The following PKHD1 variants were observed in gnomAD, a reference collection of about 807,000 sequenced individuals.
PKHD1 encodes fibrocystin.
Under a neutral mutation model 412.0 loss-of-function variants are expected in PKHD1, and 291 were observed. The observed-to-expected ratio is 0.71, with a 90% CI of 0.64 to 0.78. PKHD1 has a LOEUF of 0.78. Among genes scored for constraint, PKHD1 ranks in the 30% least tolerant of loss-of-function variants. PKHD1 has a pLI of 0.00. For synonymous variants in PKHD1, 1,777 were observed against 1,821.5 expected (o/e 0.98, Z 0.62); for missense variants, 4,825 against 4,950.7 (o/e 0.97, Z 0.76).
chr6:51,960,057 G>C, intron 35 of PKHD1, 31 bp from the exon 36 acceptor site: 1 of 1,611,078 alleles, frequency 6.2e-7, no homozygotes, highest in Non-Finnish European at 8.5e-7. Flanking sequence ...TTGGTGGGTT[G>C]GTTGGTTGGT....
At chr6:51,935,558 G>A (rs946477235) in intron 36 of PKHD1, among the ~76,000 whole-genome samples, 2 of 152,144 alleles carry the variant, frequency 1.3e-5, no homozygotes, top group Non-Finnish European at 2.9e-5. Context: ...AGACACACCA[G>A]AGGTCCTCTT....
intron 61 of PKHD1, among the ~76,000 whole-genome samples, chr6:51,658,146 C>A (rs1772197384): frequency 6.6e-6 from 1 of 152,014 alleles, no homozygotes; most frequent in East Asian, 1.9e-4. Context: ...TGGTAGTTGA[C>A]AAAAATATCC....
chr6:51,902,347 G>A (rs1722912807), intron 43 of PKHD1, among the ~76,000 whole-genome samples: 1 of 152,084 alleles, frequency 6.6e-6, no homozygotes, highest in South Asian at 2.1e-4. Flanking sequence ...TTGGCCTGTA[G>A]TGACCAACAA....
intron 43 of PKHD1, among the ~76,000 whole-genome samples, chr6:51,899,848 T>C (rs964409090): frequency 5.9e-5 from 9 of 152,136 alleles, no homozygotes; most frequent in Admixed American, 5.9e-4. Context: ...TGTACAAAAA[T>C]CACAAGCATT....
At chr6:51,959,081 T>G (rs772044803) in intron 36 of PKHD1, among the ~76,000 whole-genome samples, 12 of 152,166 alleles carry the variant, frequency 7.9e-5, no homozygotes, top group Non-Finnish European at 1.8e-4. Flanking sequence ...TGTAGCTATA[T>G]TCTTATCTTA....
At chr6:52,032,258 C>T (rs1046912905) in intron 29 of PKHD1, among the ~76,000 whole-genome samples, 3 of 152,046 alleles carry the variant, frequency 2.0e-5, no homozygotes, top group Non-Finnish European at 4.4e-5. Context: ...TACAATAAAC[C>T]CTTAGATATG....
chr6:51,673,634 G>A (rs1212001616), intron 60 of PKHD1, among the ~76,000 whole-genome samples: 2 of 152,212 alleles, frequency 1.3e-5, no homozygotes, highest in Non-Finnish European at 2.9e-5. Flanking sequence ...CCTTCAGGGA[G>A]TGAAGAGCCA....
chr6:51,851,819 G>A (rs867561947), intron 49 of PKHD1, among the ~76,000 whole-genome samples: 5 of 147,472 alleles, frequency 3.4e-5, no homozygotes, highest in South Asian at 2.1e-4. Context: ...TCTAGCTAGC[G>A]GTCTATCTAT....
At chr6:51,942,701 G>A (rs1313305766) in intron 36 of PKHD1, among the ~76,000 whole-genome samples, 2 of 151,308 alleles carry the variant, frequency 1.3e-5, no homozygotes, top group Non-Finnish European at 3.0e-5. Context: ...TTTATTGATG[G>A]CAGTTCCACC....
chr6:51,634,165 C>T (rs1194449313), intron 64 of PKHD1, among the ~76,000 whole-genome samples: 1 of 152,066 alleles, frequency 6.6e-6, no homozygotes, highest in Non-Finnish European at 1.5e-5. Context: ...ATCCACATAA[C>T]TCAGGCAAAA....
chr6:51,780,166 T>C (rs1429540691), intron 53 of PKHD1, among the ~76,000 whole-genome samples: 1 of 152,120 alleles, frequency 6.6e-6, no homozygotes, highest in African/African-American at 2.4e-5. Context: ...GGCAGGCAGA[T>C]CACAAGGTCA....
At chr6:51,677,156 G>A (rs952007495) in intron 60 of PKHD1, among the ~76,000 whole-genome samples, 2 of 152,126 alleles carry the variant, frequency 1.3e-5, no homozygotes, top group African/African-American at 2.4e-5. Context: ...CAAGTAATAT[G>A]AGAAACTTAA....
chr6:51,934,323 CT>C lies in PKHD1; in HGVS notation c.5909-2del, dbSNP rs1334913120. The C allele has an allele frequency of 6.2e-7, 1 of 1,607,104 alleles. No homozygotes were observed. Among genetic ancestry groups the C allele is most frequent in the African/African-American group, 1.3e-5 (1 of 74,868 alleles). On this transcript the variant is annotated splice_acceptor_variant, in intron 36 of 66. Coordinates refer to ENST00000371117, the MANE Select transcript of PKHD1 (RefSeq NM_138694.4). LOFTEE classifies it high-confidence loss of function. ...GGGGCCATGAAAATCAGCTTGCCCC[CT>C]AATGGACAAAGGGAAAATTGTCAGT...
chr6:51,845,739 A>C (rs79860319), intron 50 of PKHD1, among the ~76,000 whole-genome samples: 6,634 of 152,312 alleles, frequency 0.044, 405 homozygotes, highest in African/African-American at 0.13. Context: ...ATATGTGTAT[A>C]TATAATAGTA....
chr6:51,733,051 A>C (rs1783413345), intron 60 of PKHD1, among the ~76,000 whole-genome samples: 1 of 152,220 alleles, frequency 6.6e-6, no homozygotes, highest in Admixed American at 6.5e-5. Context: ...GAGGTACTTA[A>C]GGGTAGTCAA....
In PKHD1 at chr6:51,694,123, T is replaced by C. The variant is rs79495373; in HGVS notation, c.10157-34154A>G. 2.7e-3 allele frequency among the ~76,000 whole-genome samples: 416 copies of C among 152,272 alleles called. 2 individuals carry two copies. The highest frequency in any genetic ancestry group is 9.6e-3 in the African/African-American group (400 of 41,566). Reference sequence around the variant, plus strand: ...CACCTGGCTTCATCTTAATAATTAATATTCTTGCTGTTATGATGCTTTTTT... The same window carrying C: ...CACCTGGCTTCATCTTAATAATTAACATTCTTGCTGTTATGATGCTTTTTT... On this transcript the variant is annotated intron_variant, in intron 60 of 66. Transcript: ENST00000371117.
intron 35 of PKHD1, among the ~76,000 whole-genome samples, chr6:51,994,667 C>T (rs2128082406): frequency 6.6e-6 from 1 of 152,156 alleles, no homozygotes; most frequent in Middle Eastern, 3.4e-3. Context: ...CTGCAGTCTC[C>T]ATCTCCTAGG....
At chr6:51,903,468 C>A in intron 43 of PKHD1, 129 bp downstream of exon 43, 1 of 778,672 alleles carries the variant, frequency 1.3e-6, no homozygotes, top group Non-Finnish European at 2.3e-6. Context: ...TTATGTGTGA[C>A]CCAATTCTTC....
intron 36 of PKHD1, among the ~76,000 whole-genome samples, chr6:51,951,320 G>A (rs1790333024): frequency 1.3e-5 from 2 of 151,564 alleles, no homozygotes; most frequent in South Asian, 4.2e-4. Flanking sequence ...TTTCTAAGGA[G>A]AAATAGAAAA....
Sources: allele counts gnomAD v4.1 joint callset (sites outside exome capture counted in the v4.1 genomes callset), GRCh38; gene constraint gnomAD v4.1.1; transcripts MANE v1.5; gene names NCBI Gene and HGNC (gene_info 2026-07-23, HGNC 2026-07-21).